The following LRPAP1 variants were observed in gnomAD, a reference collection of about 807,000 sequenced individuals.
LRPAP1 encodes the protein alpha-2-macroglobulin receptor-associated protein.
A neutral mutation model predicts 39.9 loss-of-function variants in LRPAP1; 41 were observed. That is an observed-to-expected ratio of 1.03 (90% CI 0.80 to 1.33). The LOEUF is 1.33. Ranked by LOEUF, LRPAP1 falls within the 40% of genes most tolerant of loss-of-function variation. LRPAP1 has a pLI of 0.00. For missense variants in LRPAP1, 565 were observed against 482.3 expected, an observed-to-expected ratio of 1.17 and a Z score of -1.61; for synonymous variants, 263 against 212.7, an observed-to-expected ratio of 1.24 and a Z score of -2.06.
At chr4:3,529,902 A>G (rs1730197976) in intron 1 of LRPAP1, among the ~76,000 whole-genome samples, 1 of 152,198 alleles carries the variant, frequency 6.6e-6, no homozygotes, top group Non-Finnish European at 1.5e-5. Flanking sequence ...CAAACCAAAG[A>G]AAGGACAAGA....
At position 3,512,648 on chromosome 4, in the gene LRPAP1, A is replaced by C. The variant is rs371446293; in HGVS notation, c.*326T>G. The C allele has an allele frequency of 3.1e-6, 1 of 325,054 alleles. No individual in the cohort carries two copies. The highest frequency in any genetic ancestry group is 5.7e-5 in the East Asian group (1 of 17,452). 20.1% of individuals were successfully genotyped at this position (325,054 alleles called of 1,614,324 possible). On this transcript the variant is annotated 3_prime_UTR_variant, in exon 8 of 8. Transcript: ENST00000650182. ...CAGATGTGTAAGATTTTTTATGTAA[A>C]TCGTGTTGTTTTAGCAGAGGACTAT...
rs1003417482 is a variant in LRPAP1 at position 3,508,824 on chromosome 4, C to A, written c.*4150G>T. On this transcript the variant is annotated 3_prime_UTR_variant, in exon 8 of 8. Coordinates refer to ENST00000650182, the MANE Select transcript of LRPAP1 (RefSeq NM_002337.4). ...CACCAGTGCAAACCCAACACTGAGC[C>A]GGGAGAGACTGAGCCCATGTTCACC... is the stretch of plus-strand genomic sequence containing the variant. 2 of 152,094 alleles carry A rather than the reference C, an allele frequency of 1.3e-5. No individual in the cohort carries two copies. Among genetic ancestry groups the A allele is most frequent in the Admixed American group, 1.3e-4 (2 of 15,264 alleles). 9.4% of individuals were successfully genotyped at this position (152,094 alleles called of 1,614,324 possible). A position where few individuals can be genotyped will look rare whatever the true frequency, so the allele number is the denominator to read the frequency against.
In LRPAP1 at chr4:3,526,260, G is replaced by A. The variant is rs78471790; in HGVS notation, c.205-1209C>T. Among the ~76,000 whole-genome samples, 811 of 152,284 alleles carry A rather than the reference G, an allele frequency of 5.3e-3. 7 individuals are homozygous for A. Among genetic ancestry groups the A allele is most frequent in the Non-Finnish European group, 9.4e-3 (638 of 68,024 alleles). On this transcript the variant is annotated intron_variant, in intron 1 of 7. Coordinates refer to ENST00000650182, the MANE Select transcript of LRPAP1 (RefSeq NM_002337.4). ...AGCACCTGCATTCTCACATTCCCCC[G>A]GGGCTGGTCCTCATGAGCTGCCCGT...
At chr4:3,518,757 G>C in intron 4 of LRPAP1, 114 bp downstream of exon 4, 1 of 704,026 alleles carries the variant, frequency 1.4e-6, no homozygotes, top group Non-Finnish European at 2.3e-6. Flanking sequence ...CCCCTGCTGT[G>C]TTCCTGAGGG....
At chr4:3,532,092 G>A (rs1426509317) in intron 1 of LRPAP1, 117 bp downstream of exon 1, 13 of 1,177,342 alleles carry the variant, frequency 1.1e-5, no homozygotes, top group Admixed American at 9.9e-5. Context: ...GGGCGCGTAG[G>A]GCACAGGTGC....
chr4:3,531,343 C>G (rs1255500807), intron 1 of LRPAP1, among the ~76,000 whole-genome samples: 1 of 152,186 alleles, frequency 6.6e-6, no homozygotes, highest in Non-Finnish European at 1.5e-5. Context: ...AAATCACTTA[C>G]TTTCCCTCTC....
intron 2 of LRPAP1, among the ~76,000 whole-genome samples, chr4:3,521,380 G>C (rs1210715045): frequency 6.6e-6 from 1 of 152,122 alleles, no homozygotes; most frequent in East Asian, 1.9e-4. Flanking sequence ...GCCTCCTCTG[G>C]GCCTTCACCC....
At chr4:3,526,149 G>A (rs1332606150) in intron 1 of LRPAP1, among the ~76,000 whole-genome samples, 2 of 152,238 alleles carry the variant, frequency 1.3e-5, no homozygotes, top group African/African-American at 4.8e-5. Context: ...TAAAGCCTCT[G>A]TGGAGTCCTG....
At chr4:3,530,079 G>C (rs955156298) in intron 1 of LRPAP1, among the ~76,000 whole-genome samples, 2 of 152,122 alleles carry the variant, frequency 1.3e-5, no homozygotes, top group African/African-American at 4.8e-5. Flanking sequence ...AGTCAGGTGG[G>C]GTAAGAAGCC....
In LRPAP1 at chr4:3,506,264, T is replaced by G. The variant is rs1729351756; in HGVS notation, c.*6710A>C. On this transcript the variant is annotated 3_prime_UTR_variant, in exon 8 of 8. Transcript: ENST00000650182. ...TATTTTTAGTAGAGATGGGATTTTG[T>G]GATGTTGGCCAGGCTGGTCTCAAAC... 6.6e-6 allele frequency: 1 copy of G among 152,054 alleles called. No homozygotes were observed. Among genetic ancestry groups the G allele is most frequent in the Admixed American group, 6.5e-5 (1 of 15,278 alleles). The allele number at this position is 152,054 out of a possible 1,614,324, so 9.4% of individuals were successfully genotyped here. A position where few individuals can be genotyped will look rare whatever the true frequency, so the allele number is the denominator to read the frequency against.
chr4:3,512,300 C>G lies in LRPAP1; in HGVS notation c.*674G>C, dbSNP rs1395676719. 1 of 152,510 alleles carries G rather than the reference C, an allele frequency of 6.6e-6. No individual in the cohort carries two copies. The highest frequency in any genetic ancestry group is 1.5e-5 in the Non-Finnish European group (1 of 68,244). The allele number at this position is 152,510 out of a possible 1,614,324, so 9.4% of individuals were successfully genotyped here. Reference sequence around the variant, plus strand: ...AGGTTTGGTGAGGTCTCCCGAGGTCCCTGAGCTGCAGAGGTGAGAGTTGAA... The same window carrying G: ...AGGTTTGGTGAGGTCTCCCGAGGTCGCTGAGCTGCAGAGGTGAGAGTTGAA... On this transcript the variant is annotated 3_prime_UTR_variant, in exon 8 of 8. Transcript: ENST00000650182.
intron 2 of LRPAP1, among the ~76,000 whole-genome samples, chr4:3,522,556 ACAGACGCCACCCCACAC>A: frequency 1.6e-5 from 1 of 63,854 alleles, no homozygotes; most frequent in South Asian, 6.6e-4. Flanking sequence ...CCCGGGGAGG[ACAGACGCCACCCCACAC>A]TCCCTGCCTG....
chr4:3,522,633 G>C (rs184979477), intron 2 of LRPAP1, among the ~76,000 whole-genome samples: 2 of 104,852 alleles, frequency 1.9e-5, no homozygotes, highest in Admixed American at 8.9e-5. Flanking sequence ...GACAGACGCC[G>C]CCCCACACCC....
intron 1 of LRPAP1, among the ~76,000 whole-genome samples, chr4:3,528,132 G>A (rs1328408866): frequency 3.9e-5 from 6 of 152,198 alleles, no homozygotes; most frequent in South Asian, 2.1e-4. Context: ...CAGACCCCAC[G>A]TCTGGATTCT....
At chr4:3,525,282 G>A (rs969595368) in intron 1 of LRPAP1, 32 of 535,698 alleles carry the variant, frequency 6.0e-5, no homozygotes, top group Admixed American at 4.1e-4. Context: ...CAAGTCCATC[G>A]GGGGCTCCCC....
At chr4:3,516,724 G>A (rs1729717137) in intron 5 of LRPAP1, among the ~76,000 whole-genome samples, 1 of 152,214 alleles carries the variant, frequency 6.6e-6, no homozygotes, top group Admixed American at 6.5e-5. Flanking sequence ...GGACCCTGGT[G>A]CTCACGAAGG....
intron 5 of LRPAP1, among the ~76,000 whole-genome samples, chr4:3,517,471 G>GT (rs1330728068): frequency 6.6e-6 from 1 of 152,248 alleles, no homozygotes; most frequent in Non-Finnish European, 1.5e-5. Context: ...CGGAAGCTGC[G>GT]TGAGTGAGGC....
At chr4:3,524,515 G>A (rs978218014) in intron 2 of LRPAP1, among the ~76,000 whole-genome samples, 1 of 152,198 alleles carries the variant, frequency 6.6e-6, no homozygotes, top group African/African-American at 2.4e-5. Context: ...TGGCATCTGT[G>A]ACAGCAAACT....
intron 1 of LRPAP1, 197 bp downstream of exon 1, chr4:3,532,012 G>A: frequency 1.6e-6 from 1 of 634,882 alleles, no homozygotes; most frequent in Admixed American, 3.2e-5. Context: ...CGCCGGCACG[G>A]GTACCTTTCC....
Sources: gnomAD v4.1 joint callset for allele counts (sites outside exome capture counted in the v4.1 genomes callset) on GRCh38, gnomAD v4.1.1 for gene constraint, MANE v1.5 for transcripts, NCBI Gene and HGNC (gene_info 2026-07-23, HGNC 2026-07-21) for gene names.